The following DCDC2C variants were observed in gnomAD, a reference collection of about 807,000 sequenced individuals.
DCDC2C encodes doublecortin domain containing 2C.
A neutral mutation model predicts 45.0 loss-of-function variants in DCDC2C; 44 were observed. The observed-to-expected ratio is 0.98, with a 90% CI of 0.77 to 1.26. The LOEUF (loss-of-function observed/expected upper bound fraction) is 1.26, where lower values mean the gene tolerates loss of function less well. Ranked by LOEUF, DCDC2C falls within the 50% of genes most tolerant of loss-of-function variation. The pLI is 0.00. For missense variants in DCDC2C, 447 were observed against 468.9 expected (o/e 0.95, Z 0.43); for synonymous variants, 187 against 178.8 (o/e 1.05, Z -0.37).
chr2:3,711,882 T>C (rs369421038), intron 2 of DCDC2C, among the ~76,000 whole-genome samples: 14 of 152,226 alleles, frequency 9.2e-5, no homozygotes, highest in African/African-American at 3.4e-4. Flanking sequence ...GCGTGTGAGA[T>C]GCCCAACACC....
chr2:3,713,349 C>T (rs1371971458), intron 2 of DCDC2C, among the ~76,000 whole-genome samples: 1 of 152,158 alleles, frequency 6.6e-6, no homozygotes, highest in African/African-American at 2.4e-5. Flanking sequence ...ACGCGGGGAG[C>T]CAGCAGGATG....
chr2:3,787,304 T>G (rs1002493801), intron 10 of DCDC2C, among the ~76,000 whole-genome samples: 3 of 152,242 alleles, frequency 2.0e-5, no homozygotes, highest in African/African-American at 7.2e-5. Context: ...CGCAAATAGT[T>G]TCATTTCTCT....
chr2:3,713,689 C>T lies in DCDC2C; in HGVS notation c.339+5089C>T, dbSNP rs1046716189. Among the ~76,000 whole-genome samples, 3 of 152,160 alleles carry T rather than the reference C, an allele frequency of 2.0e-5. No homozygotes were observed. The South Asian group carries it at 6.2e-4, about 32-fold the overall frequency. On this transcript the variant is annotated intron_variant, in intron 2 of 10. Coordinates refer to ENST00000399143, the MANE Select transcript of DCDC2C (RefSeq NM_001287444.2). Reference sequence around the variant, plus strand: ...AAATGTTGGGGACAACCTGAATGTCCACTAGTACAGAAATGGCTAAATGAT... The same window carrying T: ...AAATGTTGGGGACAACCTGAATGTCTACTAGTACAGAAATGGCTAAATGAT...
chr2:3,704,958 T>C (rs1668026560), intron 1 of DCDC2C, among the ~76,000 whole-genome samples: 1 of 152,178 alleles, frequency 6.6e-6, no homozygotes, highest in Admixed American at 6.5e-5. Flanking sequence ...TGATTCTCTG[T>C]TTCCTTGTAG....
At chr2:3,757,072 T>C (rs1263042357) in intron 6 of DCDC2C, among the ~76,000 whole-genome samples, 2 of 152,216 alleles carry the variant, frequency 1.3e-5, no homozygotes, top group Non-Finnish European at 2.9e-5. Flanking sequence ...TAATTTTTTT[T>C]GGCCTCATTT....
At chr2:3,801,555 A>T (rs942941551) in intron 10 of DCDC2C, among the ~76,000 whole-genome samples, 1 of 152,274 alleles carries the variant, frequency 6.6e-6, no homozygotes, top group Non-Finnish European at 1.5e-5. Context: ...ACATCAGTAG[A>T]AAAATGACAG....
chr2:3,709,560 T>A (rs1224512100), intron 2 of DCDC2C, among the ~76,000 whole-genome samples: 2 of 152,236 alleles, frequency 1.3e-5, no homozygotes, highest in African/African-American at 4.8e-5. Flanking sequence ...TTACTCACCT[T>A]AAATTGTAAC....
intron 10 of DCDC2C, among the ~76,000 whole-genome samples, chr2:3,828,196 G>A (rs758576825): frequency 1.3e-4 from 20 of 152,272 alleles, no homozygotes; most frequent in Non-Finnish European, 2.2e-4. Flanking sequence ...TATTTTCACG[G>A]TAACAACCTT....
At chr2:3,833,301 T>C (rs1671997363) in intron 10 of DCDC2C, among the ~76,000 whole-genome samples, 1 of 152,206 alleles carries the variant, frequency 6.6e-6, no homozygotes, top group South Asian at 2.1e-4. Flanking sequence ...CACCCTAACA[T>C]AGTCACAGGT....
chr2:3,813,001 C>T (rs938178469), intron 10 of DCDC2C, among the ~76,000 whole-genome samples: 5 of 146,260 alleles, frequency 3.4e-5, no homozygotes, highest in Admixed American at 7.0e-5. Flanking sequence ...ATTATGTGGT[C>T]GATTTTAGAA....
At chr2:3,843,449 T>C (rs1427086318) in intron 10 of DCDC2C, among the ~76,000 whole-genome samples, 1 of 152,244 alleles carries the variant, frequency 6.6e-6, no homozygotes. Flanking sequence ...GGCTTCTCGC[T>C]GAAGACCTCT....
intron 8 of DCDC2C, among the ~76,000 whole-genome samples, chr2:3,770,959 C>T (rs1032777758): frequency 1.3e-5 from 2 of 152,196 alleles, no homozygotes; most frequent in African/African-American, 2.4e-5. Context: ...TTCCAGAAAG[C>T]GTTTTCTGTG....
intron 8 of DCDC2C, among the ~76,000 whole-genome samples, chr2:3,769,615 G>A (rs918637156): frequency 1.3e-5 from 2 of 152,162 alleles, no homozygotes; most frequent in Non-Finnish European, 2.9e-5. Context: ...GCTTCTGCTG[G>A]AGAGACGCCT....
At chr2:3,839,308 T>C (rs1454750869) in intron 10 of DCDC2C, among the ~76,000 whole-genome samples, 1 of 152,204 alleles carries the variant, frequency 6.6e-6, no homozygotes, top group African/African-American at 2.4e-5. Context: ...TAATTATACC[T>C]TCAACCAAAA....
chr2:3,840,123 AG>A (rs1355357290), intron 10 of DCDC2C, among the ~76,000 whole-genome samples: 1 of 152,216 alleles, frequency 6.6e-6, no homozygotes, highest in Non-Finnish European at 1.5e-5. Context: ...TGTTGATGTA[AG>A]TGTACATTTT....
At chr2:3,791,353 T>G (rs1445247161) in intron 10 of DCDC2C, among the ~76,000 whole-genome samples, 2 of 152,070 alleles carry the variant, frequency 1.3e-5, no homozygotes, top group Non-Finnish European at 2.9e-5. Context: ...AAACACACGG[T>G]ATTGCATTAG....
chr2:3,795,216 G>GT (rs1249228637), intron 10 of DCDC2C, among the ~76,000 whole-genome samples: 3 of 151,822 alleles, frequency 2.0e-5, no homozygotes, highest in African/African-American at 7.3e-5. Context: ...GGGGTTGTTT[G>GT]TTTTTTTCTT....
At chr2:3,776,739 G>A (rs1387329414) in intron 8 of DCDC2C, among the ~76,000 whole-genome samples, 2 of 152,122 alleles carry the variant, frequency 1.3e-5, no homozygotes, top group Non-Finnish European at 2.9e-5. Flanking sequence ...TGACCTCCAG[G>A]AACATATGCA....
intron 3 of DCDC2C, among the ~76,000 whole-genome samples, chr2:3,740,784 ACT>A (rs1344170416): frequency 2.0e-5 from 3 of 152,004 alleles, no homozygotes; most frequent in Non-Finnish European, 2.9e-5. Context: ...GAGAAAATGG[ACT>A]CTCTTTATGG....
Sources: allele counts gnomAD v4.1 joint callset (sites outside exome capture counted in the v4.1 genomes callset), GRCh38; gene constraint gnomAD v4.1.1; transcripts MANE v1.5; gene names NCBI Gene and HGNC (gene_info 2026-07-23, HGNC 2026-07-21).